TFB1M: variants seen among roughly 807,000 people sequenced by gnomAD.
TFB1M encodes the protein transcription factor B1, mitochondrial, also known as dimethyladenosine transferase 1, mitochondrial.
A neutral mutation model predicts 31.1 loss-of-function variants in TFB1M; 27 were observed. The ratio of observed to expected loss-of-function variants is 0.87; its 90% confidence interval spans 0.64 to 1.20. The LOEUF (loss-of-function observed/expected upper bound fraction) is 1.20. TFB1M is among the 50% of genes most tolerant of loss of function. The probability of loss-of-function intolerance (pLI) is 0.00; values close to 1 mark genes in which losing one functional copy is unlikely to be tolerated. For synonymous variants in TFB1M, 166 were observed against 151.8 expected, an observed-to-expected ratio of 1.09 and a Z score of -0.69; for missense variants, 394 against 418.7, an observed-to-expected ratio of 0.94 and a Z score of 0.51.
chr6:155,248,329 C>T, the TFB1M span: 2 of 931,546 alleles, frequency 2.1e-6, no homozygotes, highest in Non-Finnish European at 3.1e-6. Context: ...TCTTAGGTTT[C>T]ACGTGAATAT....
Position 155,298,630 on chromosome 6 carries a change from G to A in TFB1M, c.286-45C>T, listed in dbSNP as rs142898574. On this transcript the variant is annotated intron_variant, in intron 2 of 6. Transcript: ENST00000367166. Reference sequence around the variant, plus strand: ...GTAAAATGAGCTCATATACTTATGCGAGTAACAAAACTAAACTTTTTAAAC... The same window carrying A: ...GTAAAATGAGCTCATATACTTATGCAAGTAACAAAACTAAACTTTTTAAAC... The A allele has an allele frequency of 1.1e-4, 143 of 1,322,210 alleles. No homozygotes were observed. The African/African-American group carries it at 1.7e-3, about 16-fold the overall frequency. The allele number at this position is 1,322,210 out of a possible 1,614,324, so 81.9% of individuals were successfully genotyped here.
At chr6:155,269,326 T>TTTC (rs1214092060) in intron 5 of TFB1M, among the ~76,000 whole-genome samples, 314 of 144,630 alleles carry the variant, frequency 2.2e-3, no homozygotes, top group Non-Finnish European at 2.6e-3. Flanking sequence ...TTTCTTTTCT[T>TTTC]TTTTTTTTTT....
the TFB1M span, among the ~76,000 whole-genome samples, chr6:155,235,552 A>G: frequency 6.6e-6 from 1 of 152,252 alleles, no homozygotes; most frequent in African/African-American, 2.4e-5. Context: ...ACTGAAATGT[A>G]ATCACCCAAG....
intron 4 of TFB1M, among the ~76,000 whole-genome samples, chr6:155,289,067 T>C (rs935915468): frequency 6.6e-6 from 1 of 151,994 alleles, no homozygotes; most frequent in East Asian, 1.9e-4. Context: ...GACAGTGGTT[T>C]TTTTTTTCTT....
the TFB1M span, among the ~76,000 whole-genome samples, chr6:155,234,539 A>C: frequency 6.6e-6 from 1 of 152,198 alleles, no homozygotes; most frequent in Non-Finnish European, 1.5e-5. Context: ...AGTAGCTGGG[A>C]CCATAGGCGT....
At position 155,256,860 on chromosome 6, in the gene TFB1M, G is replaced by A. The variant is rs200280999; in HGVS notation, c.*976C>T. 7.4e-6 allele frequency: 12 copies of A among 1,614,080 alleles called. No homozygotes were observed. Among genetic ancestry groups the A allele is most frequent in the East Asian group, 6.7e-5 (3 of 44,900 alleles). On this transcript the variant is annotated 3_prime_UTR_variant, in exon 7 of 7. Transcript: ENST00000367166. ...CTGAGCAGCAGCCTGGCCCGGAGTCGGGTGAGGGTCAGAAAGGAGGAGAGC... is the reference window on the plus strand; with the variant it reads ...CTGAGCAGCAGCCTGGCCCGGAGTCAGGTGAGGGTCAGAAAGGAGGAGAGC...
At chr6:155,240,095 G>A in the TFB1M span, among the ~76,000 whole-genome samples, 11 of 152,254 alleles carry the variant, frequency 7.2e-5, no homozygotes, top group Admixed American at 7.2e-4. Flanking sequence ...TCTCCGGGCT[G>A]TTCTGTGTGG....
intron 5 of TFB1M, among the ~76,000 whole-genome samples, chr6:155,261,521 G>A (rs773282509): frequency 1.3e-5 from 2 of 152,296 alleles, no homozygotes; most frequent in Middle Eastern, 3.4e-3. Flanking sequence ...TTCTTTTAGG[G>A]TAGAAGGAAA....
chr6:155,269,878 A>G (rs1186905090), intron 5 of TFB1M, among the ~76,000 whole-genome samples: 1 of 152,228 alleles, frequency 6.6e-6, no homozygotes, highest in Non-Finnish European at 1.5e-5. Flanking sequence ...GAATTCATTC[A>G]TTGGGCAAAT....
rs751478746 is a variant in TFB1M, at chr6:155,257,101, G to C, written c.*735C>G. On this transcript the variant is annotated 3_prime_UTR_variant, in exon 7 of 7. Transcript: ENST00000367166. ...CAGTGAGGAGTGTTTTTATGAAACAGAGAGCCACGGAAAATCATAGTATGA... is the reference window on the plus strand; with the variant it reads ...CAGTGAGGAGTGTTTTTATGAAACACAGAGCCACGGAAAATCATAGTATGA... 2.5e-6 allele frequency: 4 copies of C among 1,605,518 alleles called. No homozygotes were observed.
At chr6:155,280,041 C>T (rs1350520104) in intron 5 of TFB1M, among the ~76,000 whole-genome samples, 1 of 151,886 alleles carries the variant, frequency 6.6e-6, no homozygotes, top group Non-Finnish European at 1.5e-5. Context: ...ATAAAAACAA[C>T]TGATAAAGAT....
rs1362945262 is a variant in TFB1M, at chr6:155,283,740, A to T, written c.666+1418T>A. Among the ~76,000 whole-genome samples, 11 of 152,382 alleles carry T rather than the reference A, an allele frequency of 7.2e-5. No individual in the cohort carries two copies. In the East Asian group the frequency reaches 1.2e-3, roughly 16 times the overall value. On this transcript the variant is annotated intron_variant, in intron 5 of 6. Coordinates refer to ENST00000367166, the MANE Select transcript of TFB1M (RefSeq NM_016020.4). ...ATAACCATAACTATAGAGGCCTATG[A>T]GTAAGGATCTTGGTTTTTGATATAA...
chr6:155,255,339 T>C (rs1357527922), downstream of TFB1M: 2 of 152,214 alleles, frequency 1.3e-5, no homozygotes, highest in African/African-American at 2.4e-5. Context: ...TCAAATCACG[T>C]TGTTCTTTCT....
chr6:155,286,344 C>G (rs1776623083), intron 4 of TFB1M, among the ~76,000 whole-genome samples: 1 of 150,846 alleles, frequency 6.6e-6, no homozygotes, highest in Admixed American at 6.6e-5. Flanking sequence ...AAAAGCAGAG[C>G]TATATAAGAA....
chr6:155,280,895 C>T (rs1048963929), intron 5 of TFB1M, among the ~76,000 whole-genome samples: 1 of 152,188 alleles, frequency 6.6e-6, no homozygotes, highest in Admixed American at 6.5e-5. Flanking sequence ...GAGTGGATGT[C>T]TCAAGTTCCA....
At chr6:155,239,708 A>G in the TFB1M span, among the ~76,000 whole-genome samples, 1 of 152,250 alleles carries the variant, frequency 6.6e-6, no homozygotes, top group East Asian at 1.9e-4. Flanking sequence ...CATGACTGGG[A>G]GCGAGTATTT....
the TFB1M span, among the ~76,000 whole-genome samples, chr6:155,248,505 C>T: frequency 9.2e-5 from 14 of 152,332 alleles, no homozygotes; most frequent in African/African-American, 3.4e-4. Flanking sequence ...AACAGTGCCG[C>T]TGGAACTGAA....
intron 5 of TFB1M, among the ~76,000 whole-genome samples, chr6:155,261,663 G>A (rs1784399880): frequency 2.0e-5 from 3 of 152,212 alleles, no homozygotes; most frequent in Admixed American, 1.3e-4. Flanking sequence ...CCGGACCCCT[G>A]AGAGCTTGCA....
chr6:155,310,882 G>T (rs139565646), intron 2 of TFB1M: 38 of 315,422 alleles, frequency 1.2e-4, no homozygotes, highest in African/African-American at 6.6e-4. Flanking sequence ...AATGGGCCAC[G>T]ACATGCATAG....
Sources: gnomAD v4.1 joint callset for allele counts (sites outside exome capture counted in the v4.1 genomes callset) on GRCh38, gnomAD v4.1.1 for gene constraint, MANE v1.5 for transcripts, NCBI Gene and HGNC (gene_info 2026-07-23, HGNC 2026-07-21) for gene names.